The following COLEC12 variants were observed in gnomAD, a reference collection of about 807,000 sequenced individuals.
COLEC12 encodes the protein collectin subfamily member 12, also known as collectin-12.
In COLEC12, 33 loss-of-function variants were observed where a neutral mutation model predicts 71.1. The ratio of observed to expected loss-of-function variants is 0.46; its 90% confidence interval spans 0.35 to 0.62. The LOEUF (loss-of-function observed/expected upper bound fraction) is 0.62. COLEC12 is among the 20% of genes least tolerant of loss of function. COLEC12 has a pLI of 0.00. For synonymous variants in COLEC12, 350 were observed against 353.0 expected (o/e 0.99, Z 0.10); for missense variants, 765 against 916.1 (o/e 0.84, Z 2.13).
At chr18:431,389 T>C (rs1442633097) in intron 2 of COLEC12, among the ~76,000 whole-genome samples, 2 of 152,182 alleles carry the variant, frequency 1.3e-5, no homozygotes, top group Non-Finnish European at 2.9e-5. Context: ...ATTGAAAGAC[T>C]CCTCAGGACA....
At chr18:467,989 C>A (rs537997669) in intron 2 of COLEC12, among the ~76,000 whole-genome samples, 17 of 152,078 alleles carry the variant, frequency 1.1e-4, no homozygotes, top group Non-Finnish European at 1.8e-4. Context: ...TCAGGCCGGG[C>A]GCAGTGCCTC....
intron 2 of COLEC12, among the ~76,000 whole-genome samples, chr18:395,452 C>A (rs1456088731): frequency 6.6e-6 from 1 of 152,180 alleles, no homozygotes; most frequent in Non-Finnish European, 1.5e-5. Flanking sequence ...ACTAACTCAA[C>A]CCCTGCGAGC....
chr18:371,969 C>T (rs1222015413), intron 2 of COLEC12, among the ~76,000 whole-genome samples: 2 of 152,178 alleles, frequency 1.3e-5, no homozygotes, highest in African/African-American at 2.4e-5. Flanking sequence ...CTGATGCAGG[C>T]ACTGTGGTGA....
Position 334,821 on chromosome 18 carries a change from G to A in COLEC12, c.1737C>T (p.Pro579=). ...CTCCTGATGGGCCAGGAGGGCCGGG[G>A]GGGCCCTTGGGGCCTGGCATGCCTG... is the stretch of plus-strand genomic sequence containing the variant. ...GVPGMPGPKG[P]PGPPGPSGAV... is the part of the protein sequence containing the mutation. Residue 579 remains proline, a synonymous_variant, in exon 6 of 10, where the codon CCC becomes CCT. Transcript: ENST00000400256. 1 of 1,517,478 alleles carries A rather than the reference G, an allele frequency of 6.6e-7. No individual in the cohort carries two copies. The highest frequency in any genetic ancestry group is 8.8e-7 in the Non-Finnish European group (1 of 1,140,328). The allele number at this position is 1,517,478 out of a possible 1,614,324, so 94.0% of individuals were successfully genotyped here.
At chr18:486,482 G>A (rs1387510288) in intron 1 of COLEC12, among the ~76,000 whole-genome samples, 2 of 152,190 alleles carry the variant, frequency 1.3e-5, no homozygotes, top group Non-Finnish European at 2.9e-5. Context: ...ACCACACCTG[G>A]CTGCATTTTA....
intron 2 of COLEC12, among the ~76,000 whole-genome samples, chr18:440,500 A>C (rs1447622981): frequency 2.6e-5 from 4 of 152,162 alleles, no homozygotes; most frequent in Admixed American, 2.6e-4. Context: ...TTAAATATGT[A>C]CAATTTTATT....
chr18:410,859 A>G (rs112627950), intron 2 of COLEC12, among the ~76,000 whole-genome samples: 1,525 of 152,304 alleles, frequency 0.01, 24 homozygotes, highest in African/African-American at 0.034. Context: ...AAAACTTTTC[A>G]ATAATAAATG....
chr18:425,764 T>C (rs184252158), intron 2 of COLEC12, among the ~76,000 whole-genome samples: 1 of 152,300 alleles, frequency 6.6e-6, no homozygotes, highest in Non-Finnish European at 1.5e-5. Flanking sequence ...TAAATAACTG[T>C]TACTGAGTTA....
chr18:333,381 CT>C (rs1157039210), intron 6 of COLEC12: 3 of 404,750 alleles, frequency 7.4e-6, no homozygotes, highest in Non-Finnish European at 1.3e-5. Context: ...GGTCTTTGTT[CT>C]TCTGTGTCTG....
Position 319,943 on chromosome 18 carries a change from G to T in COLEC12, c.*102C>A. ...TTTTTTTCAGTAATTGGTTTTCAGT[G>T]CTTTTTTTTTTTCAATCTGATGAGA... On this transcript the variant is annotated 3_prime_UTR_variant, in exon 10 of 10. Coordinates refer to ENST00000400256, the MANE Select transcript of COLEC12 (RefSeq NM_130386.3). 2 of 772,948 alleles carry T rather than the reference G, an allele frequency of 2.6e-6. No individual in the cohort carries two copies. The highest frequency in any genetic ancestry group is 1.8e-5 in the African/African-American group (1 of 54,872). The allele number at this position is 772,948 out of a possible 1,614,324, so 47.9% of individuals were successfully genotyped here.
At chr18:386,090 AC>A in intron 2 of COLEC12, among the ~76,000 whole-genome samples, 1 of 145,938 alleles carries the variant, frequency 6.9e-6, no homozygotes, top group South Asian at 2.1e-4. Context: ...TTATCAGGGT[AC>A]CTTTTGTGGG....
chr18:498,885 A>C (rs1202262739), intron 1 of COLEC12, among the ~76,000 whole-genome samples: 1 of 152,192 alleles, frequency 6.6e-6, no homozygotes, highest in Non-Finnish European at 1.5e-5. Context: ...GCAAATGTAA[A>C]GTGGAAAAGT....
At chr18:451,489 TG>T (rs1299014597) in intron 2 of COLEC12, among the ~76,000 whole-genome samples, 2 of 152,204 alleles carry the variant, frequency 1.3e-5, no homozygotes, top group African/African-American at 4.8e-5. Context: ...GGCTCATACC[TG>T]TAATCCCAGC....
chr18:456,656 T>C (rs1219928223), intron 2 of COLEC12, among the ~76,000 whole-genome samples: 1 of 152,232 alleles, frequency 6.6e-6, no homozygotes, highest in African/African-American at 2.4e-5. Context: ...CAGCTGATGT[T>C]GTGTTTTGAG....
intron 2 of COLEC12, among the ~76,000 whole-genome samples, chr18:479,547 C>CTCTT (rs1213123445): frequency 7.4e-5 from 11 of 147,854 alleles, no homozygotes; most frequent in African/African-American, 2.8e-4. Context: ...CTCTCTCTCT[C>CTCTT]TCTCACACAC....
At chr18:378,146 C>T (rs1428627820) in intron 2 of COLEC12, among the ~76,000 whole-genome samples, 1 of 152,158 alleles carries the variant, frequency 6.6e-6, no homozygotes, top group African/African-American at 2.4e-5. Context: ...TGTGCCCCAA[C>T]AGAGACATTT....
intron 2 of COLEC12, among the ~76,000 whole-genome samples, chr18:358,003 C>G (rs988279603): frequency 6.6e-6 from 1 of 152,304 alleles, no homozygotes; most frequent in East Asian, 1.9e-4. Flanking sequence ...CTCTTAGGAG[C>G]GTGAACCCTA....
chr18:453,109 T>C (rs1916794299), intron 2 of COLEC12, among the ~76,000 whole-genome samples: 2 of 152,208 alleles, frequency 1.3e-5, no homozygotes, highest in African/African-American at 4.8e-5. Context: ...GTGGTTTATT[T>C]TGCTTCTTTC....
At chr18:424,883 T>C (rs1916168126) in intron 2 of COLEC12, among the ~76,000 whole-genome samples, 1 of 151,906 alleles carries the variant, frequency 6.6e-6, no homozygotes, top group South Asian at 2.1e-4. Context: ...AACCAGGAGG[T>C]AGAGGAGTGA....
Sources: allele counts gnomAD v4.1 joint callset (sites outside exome capture counted in the v4.1 genomes callset), GRCh38; gene constraint gnomAD v4.1.1; transcripts MANE v1.5; gene names NCBI Gene and HGNC (gene_info 2026-07-23, HGNC 2026-07-21).